Variants in CCSER1 observed in about 807,000 individuals in gnomAD.
The protein encoded by CCSER1 is coiled-coil serine rich protein 1.
A neutral mutation model predicts 82.0 loss-of-function variants in CCSER1; 41 were observed. That is an observed-to-expected ratio of 0.50 (90% CI 0.39 to 0.65). The LOEUF (loss-of-function observed/expected upper bound fraction) is 0.65. Among genes scored for constraint, CCSER1 ranks in the 30% least tolerant of loss-of-function variants. CCSER1 has a pLI of 0.00. For synonymous variants in CCSER1, 414 were observed against 383.9 expected (o/e 1.08, Z -0.92); for missense variants, 1,119 against 1,064.2 (o/e 1.05, Z -0.72).
At chr4:91,418,636 C>G (rs1181746949) in intron 10 of CCSER1, among the ~76,000 whole-genome samples, 1 of 151,952 alleles carries the variant, frequency 6.6e-6, no homozygotes, top group African/African-American at 2.4e-5. Flanking sequence ...CAGGTTAACT[C>G]TACCAAGCCT....
In CCSER1 at chr4:90,998,142, G is replaced by A. The variant is rs573387952; in HGVS notation, c.2172+74695G>A. Among the ~76,000 whole-genome samples, 266 of 151,748 alleles carry A rather than the reference G, an allele frequency of 1.8e-3. 1 individual carries two copies. The highest frequency in any genetic ancestry group is 2.5e-3 in the Non-Finnish European group (173 of 67,990). On this transcript the variant is annotated intron_variant, in intron 9 of 10. Transcript: ENST00000509176. ...ATTGCCCAGGCTTTAGTGCAATGGC[G>A]CGATCTTGGCTCACCGCAACCTCTG...
chr4:90,384,172 G>T (rs1749651824), intron 3 of CCSER1, among the ~76,000 whole-genome samples: 2 of 151,536 alleles, frequency 1.3e-5, no homozygotes, highest in Non-Finnish European at 2.9e-5. Flanking sequence ...TTAAGTTCTA[G>T]GGTACGTGTG....
In CCSER1 at chr4:91,599,269, A is replaced by G. The variant is rs923799424; in HGVS notation, c.*212A>G. 2 of 525,708 alleles carry G rather than the reference A, an allele frequency of 3.8e-6. No homozygotes were observed. Among genetic ancestry groups the G allele is most frequent in the Non-Finnish European group, 6.6e-6 (2 of 304,950 alleles). The allele number at this position is 525,708 out of a possible 1,614,324, so 32.6% of individuals were successfully genotyped here. ...GAGCATGTTAATTGAACTAGGTTGC[A>G]TTGCCTTGAAGACTTTACTATATAG... On this transcript the variant is annotated 3_prime_UTR_variant, in exon 11 of 11. Transcript: ENST00000509176.
chr4:91,060,552 T>C (rs1743869986), intron 9 of CCSER1, among the ~76,000 whole-genome samples: 1 of 152,168 alleles, frequency 6.6e-6, no homozygotes, highest in South Asian at 2.1e-4. Flanking sequence ...AAAATGTCAT[T>C]GAATAAGTTT....
intron 9 of CCSER1, among the ~76,000 whole-genome samples, chr4:90,986,409 A>G (rs1174440573): frequency 1.3e-5 from 2 of 151,828 alleles, no homozygotes; most frequent in African/African-American, 4.8e-5. Context: ...AATGTCCTCA[A>G]TTTTATAAAT....
At chr4:90,714,920 A>G (rs2149341383) in intron 6 of CCSER1, among the ~76,000 whole-genome samples, 1 of 151,920 alleles carries the variant, frequency 6.6e-6, no homozygotes, top group Non-Finnish European at 1.5e-5. Context: ...TTTTGTAAAT[A>G]AATGAGCTAG....
chr4:90,959,918 G>A (rs530445946), intron 9 of CCSER1, among the ~76,000 whole-genome samples: 24 of 152,016 alleles, frequency 1.6e-4, no homozygotes, highest in Non-Finnish European at 2.8e-4. Context: ...ACGTTACTGC[G>A]TCTGCTTCAA....
At chr4:90,807,630 A>T (rs1310773662) in intron 7 of CCSER1, among the ~76,000 whole-genome samples, 1 of 145,778 alleles carries the variant, frequency 6.9e-6, no homozygotes, top group Non-Finnish European at 1.5e-5. Context: ...CGAATCAAGA[A>T]CTCAGTCTCA....
intron 10 of CCSER1, among the ~76,000 whole-genome samples, chr4:91,235,168 T>A (rs930433049): frequency 6.6e-6 from 1 of 152,112 alleles, no homozygotes; most frequent in African/African-American, 2.4e-5. Flanking sequence ...GTCTGAGATA[T>A]TGTATTCCTA....
intron 5 of CCSER1, among the ~76,000 whole-genome samples, chr4:90,527,433 T>A (rs1773930892): frequency 6.6e-6 from 1 of 152,028 alleles, no homozygotes; most frequent in Admixed American, 6.6e-5. Flanking sequence ...ATCAAAAGGC[T>A]TTTTTATGAG....
chr4:91,022,038 A>G (rs939337859), intron 9 of CCSER1, among the ~76,000 whole-genome samples: 7 of 152,172 alleles, frequency 4.6e-5, no homozygotes, highest in African/African-American at 1.7e-4. Context: ...TTTAGGGTAC[A>G]CGTGCACAAT....
At chr4:90,767,685 T>G (rs1751450779) in intron 7 of CCSER1, among the ~76,000 whole-genome samples, 1 of 151,956 alleles carries the variant, frequency 6.6e-6, no homozygotes, top group Admixed American at 6.6e-5. Flanking sequence ...GGGTAATTTT[T>G]TTTTAAAGGG....
At chr4:90,128,115 C>T (rs1413328955) in intron 1 of CCSER1, among the ~76,000 whole-genome samples, 1 of 152,124 alleles carries the variant, frequency 6.6e-6, no homozygotes, top group Non-Finnish European at 1.5e-5. Flanking sequence ...TTGCTGCCTG[C>T]GGCCGCGGCG....
chr4:90,185,925 T>C (rs1479029611), intron 1 of CCSER1, among the ~76,000 whole-genome samples: 2 of 152,056 alleles, frequency 1.3e-5, no homozygotes, highest in Non-Finnish European at 2.9e-5. Context: ...ACTTTTTTGA[T>C]GGCAGGTGTT....
intron 8 of CCSER1, among the ~76,000 whole-genome samples, chr4:90,825,037 T>A (rs1387742311): frequency 1.3e-5 from 2 of 152,182 alleles, no homozygotes; most frequent in African/African-American, 4.8e-5. Context: ...CACACTCCAG[T>A]ACCCTGATGA....
At chr4:90,293,441 T>C (rs913288451) in intron 1 of CCSER1, among the ~76,000 whole-genome samples, 13 of 151,554 alleles carry the variant, frequency 8.6e-5, no homozygotes, top group African/African-American at 3.1e-4. Context: ...TAATATACTT[T>C]AAGGATTTTG....
intron 5 of CCSER1, among the ~76,000 whole-genome samples, chr4:90,562,436 C>A (rs766460491): frequency 2.0e-5 from 3 of 152,144 alleles, no homozygotes; most frequent in Non-Finnish European, 4.4e-5. Flanking sequence ...CATAGTGAAT[C>A]ATGTTTTAAT....
chr4:90,428,038 T>C (rs1757767491), intron 4 of CCSER1, among the ~76,000 whole-genome samples: 1 of 151,834 alleles, frequency 6.6e-6, no homozygotes, highest in South Asian at 2.1e-4. Context: ...CAAACAAGTG[T>C]TATAGATTGA....
At chr4:90,597,773 C>A (rs1783518019) in intron 5 of CCSER1, among the ~76,000 whole-genome samples, 1 of 151,994 alleles carries the variant, frequency 6.6e-6, no homozygotes, top group African/African-American at 2.4e-5. Flanking sequence ...AATTTTATAT[C>A]TTTTGACCTA....
Sources: gnomAD v4.1 joint callset for allele counts (sites outside exome capture counted in the v4.1 genomes callset) on GRCh38, gnomAD v4.1.1 for gene constraint, MANE v1.5 for transcripts, NCBI Gene and HGNC (gene_info 2026-07-23, HGNC 2026-07-21) for gene names.